EXO1: variants seen among roughly 807,000 people sequenced by gnomAD.
The protein encoded by EXO1 is exonuclease 1.
Under a neutral mutation model 84.5 loss-of-function variants are expected in EXO1, and 69 were observed. That is an observed-to-expected ratio of 0.82 (90% confidence interval 0.67 to 1.00). EXO1 has a LOEUF of 1.00. Ranked by LOEUF, EXO1 falls within the 50% of genes least tolerant of loss-of-function variation. The probability of loss-of-function intolerance (pLI) is 0.00; values close to 1 mark genes in which losing one functional copy is unlikely to be tolerated. For missense variants in EXO1, 1,045 were observed against 1,000.7 expected, an observed-to-expected ratio of 1.04 and a Z score of -0.60; for synonymous variants, 373 against 366.1, an observed-to-expected ratio of 1.02 and a Z score of -0.21.
chr1:241,853,518 C>T (rs774515338), intron 6 of EXO1, 37 bp downstream of exon 6: 1 of 1,611,554 alleles, frequency 6.2e-7, no homozygotes, highest in South Asian at 1.1e-5. Flanking sequence ...TTCACCAAAG[C>T]TAGTTACAAC....
intron 13 of EXO1, among the ~76,000 whole-genome samples, chr1:241,879,600 A>C (rs989578769): frequency 3.9e-5 from 6 of 152,292 alleles, no homozygotes; most frequent in South Asian, 2.1e-4. Flanking sequence ...TGAGTATCTC[A>C]AGGGGTGCCA....
chr1:241,877,335 C>A (rs1459390014), intron 12 of EXO1, among the ~76,000 whole-genome samples: 1 of 152,084 alleles, frequency 6.6e-6, no homozygotes, highest in African/African-American at 2.4e-5. Context: ...ACTATCTCTT[C>A]TCTTGCCTGT....
chr1:241,874,260 A>G (rs781462978), intron 12 of EXO1, among the ~76,000 whole-genome samples: 6 of 152,130 alleles, frequency 3.9e-5, no homozygotes, highest in African/African-American at 1.4e-4. Flanking sequence ...CTAGCTGGAC[A>G]TGGTGGTGTG....
At chr1:241,855,598 G>A (rs182478534) in intron 6 of EXO1, among the ~76,000 whole-genome samples, 2 of 152,226 alleles carry the variant, frequency 1.3e-5, no homozygotes, top group East Asian at 1.9e-4. Flanking sequence ...CAGCCCTTGG[G>A]TGGTGGATGA....
intron 10 of EXO1, among the ~76,000 whole-genome samples, chr1:241,865,756 CT>C (rs1163747243): frequency 6.6e-6 from 1 of 152,096 alleles, no homozygotes; most frequent in Non-Finnish European, 1.5e-5. Context: ...TGGTTTTCTA[CT>C]TGTCTATTTC....
At chr1:241,861,820 T>C (rs4149921) in intron 10 of EXO1, among the ~76,000 whole-genome samples, 11,872 of 152,328 alleles carry the variant, frequency 0.078, 724 homozygotes, top group Admixed American at 0.19. Context: ...GCATTTGGCA[T>C]CATTGAAGAC....
chr1:241,868,050 T>G, intron 11 of EXO1, among the ~76,000 whole-genome samples: 1 of 151,692 alleles, frequency 6.6e-6, no homozygotes, highest in Non-Finnish European at 1.5e-5. Context: ...AGACCAGGCT[T>G]GGCAACACAC....
At chr1:241,862,332 C>G (rs549792611) in intron 10 of EXO1, among the ~76,000 whole-genome samples, 3 of 152,224 alleles carry the variant, frequency 2.0e-5, no homozygotes, top group African/African-American at 7.2e-5. Flanking sequence ...TTCTGTTTAT[C>G]CTCTGTTCTC....
chr1:241,883,166 T>A (rs926404059), intron 14 of EXO1, among the ~76,000 whole-genome samples: 2 of 152,240 alleles, frequency 1.3e-5, no homozygotes, highest in African/African-American at 4.8e-5. Context: ...GCATAAAAAC[T>A]TCTTACTTTT....
chr1:241,869,388 T>G (rs1271982812), intron 11 of EXO1, among the ~76,000 whole-genome samples: 1 of 152,220 alleles, frequency 6.6e-6, no homozygotes, highest in Non-Finnish European at 1.5e-5. Context: ...AACGTGGGAA[T>G]TTTTTCACCA....
At chr1:241,860,445 T>G (rs1276449806) in intron 8 of EXO1, 72 bp from the exon 9 acceptor site, 5 of 1,195,968 alleles carry the variant, frequency 4.2e-6, no homozygotes, top group Non-Finnish European at 6.2e-6. Flanking sequence ...TGAATGTAAA[T>G]CAATCAGCCT....
intron 14 of EXO1, among the ~76,000 whole-genome samples, chr1:241,883,784 G>A (rs1386478632): frequency 6.6e-6 from 1 of 152,074 alleles, no homozygotes; most frequent in Non-Finnish European, 1.5e-5. Context: ...GTACACATTT[G>A]CATGTTTGTG....
intron 12 of EXO1, among the ~76,000 whole-genome samples, chr1:241,875,702 C>A (rs915512198): frequency 6.6e-6 from 1 of 152,118 alleles, no homozygotes; most frequent in Non-Finnish European, 1.5e-5. Context: ...CATGGTGAAA[C>A]CCCATCTCTA....
intron 12 of EXO1, among the ~76,000 whole-genome samples, chr1:241,875,867 G>C (rs1662375789): frequency 6.6e-6 from 1 of 152,200 alleles, no homozygotes; most frequent in Admixed American, 6.5e-5. Context: ...GACAAAGCGA[G>C]ACTTCGTCTC....
chr1:241,861,425 G>A lies in EXO1; in HGVS notation c.964G>A (p.Ala322Thr), dbSNP rs1315609966. Residue 322 changes from alanine (A) to threonine (T), a missense_variant, in exon 10 of 16, where the codon GCT becomes ACT. Ala to Thr is a moderately conservative substitution (Grantham distance 58, BLOSUM62 0). Transcript: ENST00000366548. ...YAGQYVDDSI[A>T]LQIALGNKDI... The stretch of plus-strand genomic sequence containing the variant: ...ATCTAGATATGTTGATGATTCCATA[G>A]CTCTTCAAATAGCACTTGGAAATAA... The A allele has an allele frequency of 3.9e-6, 6 of 1,546,038 alleles. No individual in the cohort carries two copies. Among genetic ancestry groups the A allele is most frequent in the Non-Finnish European group, 5.4e-6 (6 of 1,118,072 alleles).
intron 4 of EXO1, 96 bp downstream of exon 4, chr1:241,850,682 C>T (rs1247399456): frequency 4.1e-6 from 4 of 983,592 alleles, no homozygotes; most frequent in Non-Finnish European, 6.4e-6. Context: ...TCACTCAATG[C>T]CAGAACTTAT....
At chr1:241,855,678 G>A (rs558450690) in intron 6 of EXO1, among the ~76,000 whole-genome samples, 193 of 152,346 alleles carry the variant, frequency 1.3e-3, no homozygotes, top group Middle Eastern at 0.01. Context: ...CCCACGGAGG[G>A]GGTGGGAGGC....
At chr1:241,887,030 A>G (rs988372599) in intron 15 of EXO1, among the ~76,000 whole-genome samples, 3 of 152,182 alleles carry the variant, frequency 2.0e-5, no homozygotes, top group Admixed American at 1.3e-4. Context: ...GCCTTTTTAG[A>G]TAGTGGTAAA....
chr1:241,875,379 A>G (rs372435248), intron 12 of EXO1, among the ~76,000 whole-genome samples: 203 of 152,348 alleles, frequency 1.3e-3, no homozygotes, highest in African/African-American at 4.7e-3. Flanking sequence ...GCATGAAAGA[A>G]TGAACCACTG....
Sources: gnomAD v4.1 joint callset for allele counts (sites outside exome capture counted in the v4.1 genomes callset) on GRCh38, gnomAD v4.1.1 for gene constraint, MANE v1.5 for transcripts, NCBI Gene and HGNC (gene_info 2026-07-23, HGNC 2026-07-21) for gene names.